NWD2: variants seen among roughly 807,000 people sequenced by gnomAD.
NWD2 encodes the protein NACHT and WD repeat domain containing 2, also known as NACHT and WD repeat domain-containing protein 2.
A neutral mutation model predicts 132.7 loss-of-function variants in NWD2; 37 were observed. The observed-to-expected ratio is 0.28, with a 90% CI of 0.21 to 0.37. The LOEUF is 0.37. NWD2 is among the 10% of genes least tolerant of loss of function. NWD2 has a pLI of 1.00. For missense variants in NWD2, 1,592 were observed against 2,122.4 expected (o/e 0.75, Z 4.91); for synonymous variants, 705 against 803.0 (o/e 0.88, Z 2.06).
chr4:37,315,811 T>G (rs1418728581), intron 1 of NWD2, among the ~76,000 whole-genome samples: 1 of 152,076 alleles, frequency 6.6e-6, no homozygotes, highest in Non-Finnish European at 1.5e-5. Context: ...GTATATCATT[T>G]TAATTATGTT....
At chr4:37,276,853 A>G (rs1460723520) in intron 1 of NWD2, among the ~76,000 whole-genome samples, 1 of 152,112 alleles carries the variant, frequency 6.6e-6, no homozygotes, top group Non-Finnish European at 1.5e-5. Context: ...ATGAAGCTGG[A>G]AACCATCATT....
Position 37,448,414 on chromosome 4 carries a change from T to C in NWD2, c.*1197T>C, listed in dbSNP as rs1712700586. ...GTTACTCTTCCTGATTGAGGACTCTTCTGAGCCTTTTATAGTCCTATCCAT... is the reference window on the plus strand; with the variant it reads ...GTTACTCTTCCTGATTGAGGACTCTCCTGAGCCTTTTATAGTCCTATCCAT... On this transcript the variant is annotated 3_prime_UTR_variant, in exon 7 of 7. Transcript: ENST00000309447. 6.6e-6 allele frequency: 1 copy of C among 152,198 alleles called. No homozygotes were observed. The highest frequency in any genetic ancestry group is 6.5e-5 in the Admixed American group (1 of 15,268). The allele number at this position is 152,198 out of a possible 1,614,324, so 9.4% of individuals were successfully genotyped here.
rs1175752425 is a variant in NWD2, at chr4:37,438,773, A to G, written c.707-28A>G. The G allele has an allele frequency of 7.4e-6, 11 of 1,479,956 alleles. No homozygotes were observed. The East Asian group carries it at 2.2e-4, about 30-fold the overall frequency. The allele number at this position is 1,479,956 out of a possible 1,614,324, so 91.7% of individuals were successfully genotyped here. On this transcript the variant is annotated intron_variant, in intron 5 of 6. Coordinates refer to ENST00000309447, the MANE Select transcript of NWD2 (RefSeq NM_001144990.2). ...GTGTGTTGCTCCTTTGTTCTAAGCA[A>G]TAAACTCCTTCTTATATTTTCTTTC...
At chr4:37,410,137 A>C (rs921963276) in intron 3 of NWD2, among the ~76,000 whole-genome samples, 3 of 152,210 alleles carry the variant, frequency 2.0e-5, no homozygotes, top group African/African-American at 7.2e-5. Flanking sequence ...TAATGACGGG[A>C]TCAAATTCAC....
intron 3 of NWD2, among the ~76,000 whole-genome samples, chr4:37,405,188 GACA>G (rs1239261936): frequency 6.6e-6 from 1 of 152,102 alleles, no homozygotes; most frequent in Admixed American, 6.6e-5. Context: ...ATATCTTTAT[GACA>G]GCATCATCTT....
chr4:37,303,935 C>A (rs1718657455), intron 1 of NWD2, among the ~76,000 whole-genome samples: 1 of 151,994 alleles, frequency 6.6e-6, no homozygotes, highest in South Asian at 2.1e-4. Context: ...TATTTTTTAT[C>A]TTGTCTAATG....
intron 2 of NWD2, among the ~76,000 whole-genome samples, chr4:37,347,778 A>G (rs989143476): frequency 6.6e-6 from 1 of 152,196 alleles, no homozygotes; most frequent in African/African-American, 2.4e-5. Flanking sequence ...AGCTTTTCTT[A>G]AATTAACCTT....
At chr4:37,284,509 C>T (rs146699787) in intron 1 of NWD2, among the ~76,000 whole-genome samples, 200 of 152,314 alleles carry the variant, frequency 1.3e-3, no homozygotes, top group African/African-American at 4.4e-3. Context: ...TTCCTTGGCT[C>T]CTCCAGTGCC....
In NWD2 at chr4:37,395,523, G is replaced by A. The variant is rs182576604; in HGVS notation, c.358-35049G>A. On this transcript the variant is annotated intron_variant, in intron 3 of 6. Coordinates refer to ENST00000309447, the MANE Select transcript of NWD2 (RefSeq NM_001144990.2). ...AAAGGGTCTGCCTCTCCCAGAGGTCGCAGTGAGCCGAGATCATGCCATTGC... is the reference window on the plus strand; with the variant it reads ...AAAGGGTCTGCCTCTCCCAGAGGTCACAGTGAGCCGAGATCATGCCATTGC... 3.6e-3 allele frequency among the ~76,000 whole-genome samples: 461 copies of A among 126,852 alleles called. 5 individuals carry two copies. The highest frequency in any genetic ancestry group is 0.012 in the African/African-American group (388 of 33,600). 83.2% of individuals were successfully genotyped at this position (126,852 alleles called of 152,430 possible).
At chr4:37,264,210 C>T (rs1241583734) in intron 1 of NWD2, among the ~76,000 whole-genome samples, 2 of 152,170 alleles carry the variant, frequency 1.3e-5, no homozygotes, top group Non-Finnish European at 2.9e-5. Flanking sequence ...TCTTTTTAAT[C>T]AGTCCTTTCT....
At chr4:37,248,564 A>C in intron 1 of NWD2, among the ~76,000 whole-genome samples, 1 of 152,190 alleles carries the variant, frequency 6.6e-6, no homozygotes, top group East Asian at 1.9e-4. Flanking sequence ...GAAGTTTTCT[A>C]GTCATTTAGC....
At chr4:37,348,655 T>C (rs1392808267) in intron 2 of NWD2, among the ~76,000 whole-genome samples, 6 of 61,232 alleles carry the variant, frequency 9.8e-5, no homozygotes, top group African/African-American at 2.1e-4. Flanking sequence ...TATATATATA[T>C]ATATATATAT....
chr4:37,251,001 G>A (rs1371748321), intron 1 of NWD2, among the ~76,000 whole-genome samples: 1 of 152,262 alleles, frequency 6.6e-6, no homozygotes, highest in Non-Finnish European at 1.5e-5. Context: ...TTGGCTGGAT[G>A]CAGTGGCTCA....
chr4:37,314,312 C>G (rs1718914869), intron 1 of NWD2, among the ~76,000 whole-genome samples: 1 of 152,010 alleles, frequency 6.6e-6, no homozygotes, highest in South Asian at 2.1e-4. Flanking sequence ...TATAGACTTA[C>G]AGAATGAGTT....
rs1159788872 is a variant in NWD2, at chr4:37,447,575, C to CA, written c.*363dup. 4.6e-6 allele frequency: 1 copy of CA among 215,088 alleles called. No homozygotes were observed. Among genetic ancestry groups the CA allele is most frequent in the Non-Finnish European group, 9.4e-6 (1 of 106,930 alleles). 13.3% of individuals were successfully genotyped at this position (215,088 alleles called of 1,614,324 possible). ...ATCATTTGGATGGGAATTAGTTCTA[C>CA]AAAAATCAGCTGAAATCATGAAGAC... On this transcript the variant is annotated 3_prime_UTR_variant, in exon 7 of 7. Coordinates refer to ENST00000309447, the MANE Select transcript of NWD2 (RefSeq NM_001144990.2).
chr4:37,300,754 AT>A (rs927696256), intron 1 of NWD2, among the ~76,000 whole-genome samples: 5 of 152,266 alleles, frequency 3.3e-5, no homozygotes, highest in African/African-American at 1.2e-4. Context: ...CCAACAAAGA[AT>A]AAAAATACTC....
At chr4:37,348,326 T>C (rs962937055) in intron 2 of NWD2, among the ~76,000 whole-genome samples, 1 of 152,090 alleles carries the variant, frequency 6.6e-6, no homozygotes, top group African/African-American at 2.4e-5. Flanking sequence ...CATTTAGTTT[T>C]CCCACATAAA....
intron 5 of NWD2, among the ~76,000 whole-genome samples, chr4:37,434,858 C>A (rs1712281080): frequency 6.7e-6 from 1 of 150,112 alleles, no homozygotes; most frequent in African/African-American, 2.5e-5. Flanking sequence ...TAATAGGAAG[C>A]TTGTGTTTTA....
At chr4:37,435,461 A>G (rs1480015133) in intron 5 of NWD2, among the ~76,000 whole-genome samples, 1 of 152,230 alleles carries the variant, frequency 6.6e-6, no homozygotes, top group Admixed American at 6.5e-5. Flanking sequence ...TACTGTATTT[A>G]AATATATAGA....
Sources: allele counts gnomAD v4.1 joint callset (sites outside exome capture counted in the v4.1 genomes callset), GRCh38; gene constraint gnomAD v4.1.1; transcripts MANE v1.5; gene names NCBI Gene and HGNC (gene_info 2026-07-23, HGNC 2026-07-21).